IQSEC1: variants seen among roughly 807,000 people sequenced by gnomAD.
IQSEC1 encodes the protein IQ motif and Sec7 domain ArfGEF 1, also known as IQ motif and SEC7 domain-containing protein 1.
IQSEC1 carries 31 observed loss-of-function variants against 91.0 expected under a neutral mutation model. The observed-to-expected ratio is 0.34, with a 90% CI of 0.26 to 0.46. IQSEC1 has a LOEUF of 0.46. Ranked by LOEUF, IQSEC1 falls within the 20% of genes least tolerant of loss-of-function variation. IQSEC1 has a pLI of 1.00. For missense variants in IQSEC1, 1,388 were observed against 1,575.6 expected, an observed-to-expected ratio of 0.88 and a Z score of 2.02; for synonymous variants, 699 against 662.6, an observed-to-expected ratio of 1.05 and a Z score of -0.84.
intron 1 of IQSEC1, among the ~76,000 whole-genome samples, chr3:13,012,698 G>A (rs1438139604): frequency 6.6e-6 from 1 of 152,246 alleles, no homozygotes; most frequent in Non-Finnish European, 1.5e-5. Context: ...CAGTAGGAAG[G>A]AAAGCAGAGG....
intron 2 of IQSEC1, among the ~76,000 whole-genome samples, chr3:13,108,238 G>C (rs942175740): frequency 2.0e-5 from 3 of 152,048 alleles, no homozygotes; most frequent in East Asian, 3.9e-4. Flanking sequence ...TTCTAACAAC[G>C]CCCTTATACC....
rs1455531786 is a variant in IQSEC1 at position 13,097,123 on chromosome 3, G to A, written c.303-49601C>T. Among the ~76,000 whole-genome samples the A allele has an allele frequency of 3.3e-5, 5 of 152,296 alleles. No homozygotes were observed. The East Asian group carries it at 9.7e-4, about 29-fold the overall frequency. ...GATCCGCCCACCTCGGCCTCCCAAA[G>A]TGCTGGGATTACAGGCATGAGCCAC... On this transcript the variant is annotated intron_variant, in intron 2 of 15. Transcript: ENST00000648114.
intron 1 of IQSEC1, among the ~76,000 whole-genome samples, chr3:12,950,837 G>A (rs778822036): frequency 2.1e-4 from 32 of 151,858 alleles, no homozygotes; most frequent in Non-Finnish European, 4.1e-4. Context: ...TAGTAGAGAC[G>A]GGGTTTCATA....
At chr3:13,242,677 C>T (rs540486230) in intron 1 of IQSEC1, among the ~76,000 whole-genome samples, 2 of 152,276 alleles carry the variant, frequency 1.3e-5, no homozygotes, top group Admixed American at 1.3e-4. Flanking sequence ...GGCTGCACTC[C>T]TAGGATTGGT....
chr3:13,268,565 CAT>C (rs1056017451), intron 1 of IQSEC1, among the ~76,000 whole-genome samples: 4 of 152,156 alleles, frequency 2.6e-5, no homozygotes, highest in African/African-American at 9.7e-5. Context: ...CTTTATAAGT[CAT>C]GTGCAGATGA....
At chr3:13,147,868 G>C (rs538655645) in intron 2 of IQSEC1, among the ~76,000 whole-genome samples, 1 of 152,302 alleles carries the variant, frequency 6.6e-6, no homozygotes, top group East Asian at 1.9e-4. Context: ...CCTGACCTCA[G>C]GTGATCTGCC....
At chr3:12,913,037 C>G (rs1559613086) in intron 9 of IQSEC1, among the ~76,000 whole-genome samples, 1 of 152,228 alleles carries the variant, frequency 6.6e-6, no homozygotes, top group African/African-American at 2.4e-5. Flanking sequence ...TCTGCTCAGT[C>G]TAGGAAGAGG....
At position 12,935,668 on chromosome 3, in the gene IQSEC1, C is replaced by G; in HGVS notation, c.1348G>C (p.Asp450His). 1 of 1,613,914 alleles carries G rather than the reference C, an allele frequency of 6.2e-7. No homozygotes were observed. The highest frequency in any genetic ancestry group is 8.5e-7 in the Non-Finnish European group (1 of 1,179,984). ...CTGTCATTGTCACCGTCTGAGTAGTCCGACTCAGACTTGCTCTGCCGGTTG... is the reference window on the plus strand; with the variant it reads ...CTGTCATTGTCACCGTCTGAGTAGTGCGACTCAGACTTGCTCTGCCGGTTG... ...SANRQSKSES[D>H]YSDGDNDSIN... Residue 450 changes from aspartate (D) to histidine (H), a missense_variant, in exon 3 of 14, where the codon GAC becomes CAC. Coordinates refer to ENST00000613206, the MANE Select transcript of IQSEC1 (RefSeq NM_001134382.3). This position sits in a 1 kb window ranked among gnomAD's most constrained non-coding sequence, Gnocchi z 8.0.
intron 1 of IQSEC1, among the ~76,000 whole-genome samples, chr3:13,018,169 C>T (rs1703230853): frequency 6.6e-6 from 1 of 152,232 alleles, no homozygotes; most frequent in Admixed American, 6.5e-5. Flanking sequence ...GCTGCCTAGG[C>T]ATGGCCCAGG....
chr3:13,098,659 TA>T (rs1247865802), intron 2 of IQSEC1, among the ~76,000 whole-genome samples: 1 of 152,034 alleles, frequency 6.6e-6, no homozygotes, highest in African/African-American at 2.4e-5. Flanking sequence ...AATGGATGGC[TA>T]AAAATAACAT....
chr3:13,164,434 G>A (rs1055198816), intron 1 of IQSEC1, among the ~76,000 whole-genome samples: 2 of 152,178 alleles, frequency 1.3e-5, no homozygotes, highest in Admixed American at 1.3e-4. Flanking sequence ...CAGGAGTCAA[G>A]AGCAAAGCCA....
chr3:13,200,057 C>T (rs111210241), intron 1 of IQSEC1, among the ~76,000 whole-genome samples: 5,483 of 141,276 alleles, frequency 0.039, 309 homozygotes, highest in African/African-American at 0.13. Flanking sequence ...CACGCACACA[C>T]ACCACACACA....
intron 12 of IQSEC1, among the ~76,000 whole-genome samples, chr3:12,907,895 C>T (rs1465103640): frequency 6.6e-6 from 1 of 152,152 alleles, no homozygotes; most frequent in Non-Finnish European, 1.5e-5. Context: ...GAGGAGGCCC[C>T]GCAGGGAAAG....
At chr3:13,083,095 C>G (rs1262610203) in intron 2 of IQSEC1, among the ~76,000 whole-genome samples, 1 of 152,218 alleles carries the variant, frequency 6.6e-6, no homozygotes, top group Non-Finnish European at 1.5e-5. Context: ...GAATGTGAGC[C>G]TGGTGGGGGC....
chr3:13,101,924 C>T (rs9856583), intron 2 of IQSEC1, among the ~76,000 whole-genome samples: 1 of 143,450 alleles, frequency 7.0e-6, no homozygotes, highest in Admixed American at 6.9e-5. Flanking sequence ...TGCTTTGAAA[C>T]TGACTCTGGC....
In IQSEC1 at chr3:13,043,639, T is replaced by C. The variant is rs1185011538; in HGVS notation, c.23+29353A>G. ...AGGATCCTGCTTTTGCATGTTTACT[T>C]GTTAACTGTCTTTCTCCTGACTACA... On this transcript the variant is annotated intron_variant, in intron 1 of 13. Coordinates refer to ENST00000613206, the MANE Select transcript of IQSEC1 (RefSeq NM_001134382.3). Among the ~76,000 whole-genome samples the C allele has an allele frequency of 2.0e-5, 3 of 152,238 alleles. No homozygotes were observed. In the East Asian group the frequency reaches 5.8e-4, roughly 29 times the overall value.
At chr3:13,241,082 C>T (rs1461823391) in intron 1 of IQSEC1, among the ~76,000 whole-genome samples, 2 of 152,220 alleles carry the variant, frequency 1.3e-5, no homozygotes, top group African/African-American at 4.8e-5. Context: ...ATGTGCCGCA[C>T]AGTCCAATTT....
At chr3:13,226,968 C>A (rs1311567769) in intron 1 of IQSEC1, among the ~76,000 whole-genome samples, 1 of 152,114 alleles carries the variant, frequency 6.6e-6, no homozygotes, top group Non-Finnish European at 1.5e-5. Flanking sequence ...CAGAGGGAGT[C>A]CTTGAGGCAG....
chr3:13,093,494 C>T (rs1288598682), intron 2 of IQSEC1, among the ~76,000 whole-genome samples: 2 of 152,148 alleles, frequency 1.3e-5, no homozygotes, highest in African/African-American at 4.8e-5. Context: ...AGACGAGGGG[C>T]TTCATCCAAG....
Sources: gnomAD v4.1 joint callset for allele counts (sites outside exome capture counted in the v4.1 genomes callset) on GRCh38, gnomAD v4.1.1 for gene constraint, Gnocchi (gnomAD v3.1) non-coding constraint, MANE v1.5 for transcripts, NCBI Gene and HGNC (gene_info 2026-07-23, HGNC 2026-07-21) for gene names.